The following HK1 variants were observed in gnomAD, a reference collection of about 807,000 sequenced individuals.
The protein encoded by HK1 is hexokinase 1, also known as hexokinase-1.
In HK1, 28 loss-of-function variants were observed where a neutral mutation model predicts 91.6. The ratio of observed to expected loss-of-function variants is 0.31; its 90% CI spans 0.23 to 0.42. The LOEUF is 0.42. Among genes scored for constraint, HK1 ranks in the 10% least tolerant of loss-of-function variants. HK1 has a pLI of 1.00. For synonymous variants in HK1, 430 were observed against 468.1 expected (o/e 0.92, Z 1.05); for missense variants, 770 against 1,219.8 (o/e 0.63, Z 5.49).
intron 1 of HK1, among the ~76,000 whole-genome samples, chr10:69,326,317 G>A (rs1056938538): frequency 6.6e-6 from 1 of 152,102 alleles, no homozygotes; most frequent in African/African-American, 2.4e-5. Context: ...AAGCCTCAGC[G>A]AGGTTGTCAG....
intron 3 of HK1, chr10:69,292,217 T>C (rs923798961): frequency 6.3e-6 from 2 of 318,450 alleles, no homozygotes; most frequent in Non-Finnish European, 1.3e-5. Context: ...ACTAGAGGCG[T>C]GTGCCCCCAC....
chr10:69,270,721 C>G (rs1844114381), intron 1 of HK1, among the ~76,000 whole-genome samples: 1 of 152,158 alleles, frequency 6.6e-6, no homozygotes, highest in East Asian at 1.9e-4. Context: ...ATGTTGCTGC[C>G]TTTCCAGAAC....
intron 1 of HK1, among the ~76,000 whole-genome samples, chr10:69,330,709 A>G (rs1218837021): frequency 1.3e-5 from 2 of 152,170 alleles, no homozygotes; most frequent in African/African-American, 4.8e-5. Flanking sequence ...GGACATCCTT[A>G]TCTCTGGAGA....
chr10:69,276,118 A>AAAAAAAAATATATATATAT, intron 1 of HK1, among the ~76,000 whole-genome samples: 5 of 38,272 alleles, frequency 1.3e-4, no homozygotes, highest in Non-Finnish European at 2.0e-4. Flanking sequence ...AAAAAAAAAA[A>AAAAAAAAATATATATATAT]ATACATATAT....
At chr10:69,276,090 CAAAAAAAAAAAA>C (rs60324656) in intron 1 of HK1, among the ~76,000 whole-genome samples, 18 of 15,936 alleles carry the variant, frequency 1.1e-3, no homozygotes, top group South Asian at 5.2e-3. Context: ...AACTCCTTTT[CAAAAAAAAAAAA>C]AAAAAAAAAA....
At chr10:69,351,401 G>A (rs965779154) in intron 2 of HK1, among the ~76,000 whole-genome samples, 1 of 151,576 alleles carries the variant, frequency 6.6e-6, no homozygotes, top group African/African-American at 2.4e-5. Flanking sequence ...CCCAGCTACT[G>A]GGGAGGCTGA....
intron 3 of HK1, among the ~76,000 whole-genome samples, chr10:69,291,329 A>G (rs1157962839): frequency 6.6e-6 from 1 of 152,242 alleles, no homozygotes; most frequent in Non-Finnish European, 1.5e-5. Context: ...GATCTCAGAC[A>G]CAGATGGAAA....
intron 14 of HK1, among the ~76,000 whole-genome samples, chr10:69,391,803 TA>T: frequency 6.6e-6 from 1 of 152,334 alleles, no homozygotes; most frequent in South Asian, 2.1e-4. Flanking sequence ...GAATGTTGCC[TA>T]AACCTCTACC....
intron 4 of HK1, among the ~76,000 whole-genome samples, chr10:69,297,570 T>G (rs1845628876): frequency 6.6e-6 from 1 of 152,160 alleles, no homozygotes; most frequent in South Asian, 2.1e-4. Flanking sequence ...AGACCATCTT[T>G]AGCATATTCT....
At chr10:69,397,876 A>G (rs1390654081) in intron 16 of HK1, among the ~76,000 whole-genome samples, 2 of 152,244 alleles carry the variant, frequency 1.3e-5, no homozygotes, top group Admixed American at 6.5e-5. Flanking sequence ...CTAATAGAGA[A>G]TAATATAAAT....
chr10:69,318,304 C>A (rs1308663963), upstream of HK1: 1 of 858,260 alleles, frequency 1.2e-6, no homozygotes, highest in Non-Finnish European at 1.4e-6. Flanking sequence ...GTAGCGTCCC[C>A]GGCTCCCGCT....
At chr10:69,281,810 G>A (rs1844766712) in intron 1 of HK1, among the ~76,000 whole-genome samples, 1 of 152,140 alleles carries the variant, frequency 6.6e-6, no homozygotes, top group African/African-American at 2.4e-5. Context: ...AATAAAGGAA[G>A]GGGAGGGAGG....
chr10:69,393,305 C>CTTTTTTT (rs199574875), intron 15 of HK1, among the ~76,000 whole-genome samples: 1 of 145,618 alleles, frequency 6.9e-6, no homozygotes. Context: ...CTTTTCTTTT[C>CTTTTTTT]TTTTCTTTTT....
At chr10:69,318,414 C>A (rs186584216), upstream of HK1, among the ~76,000 whole-genome samples, 571 of 152,308 alleles carry the variant, frequency 3.7e-3, 3 homozygotes, top group Middle Eastern at 0.02. Context: ...AATGGGACCG[C>A]CTTCGTGCCC....
chr10:69,378,303 C>T (rs1839216150), intron 8 of HK1, among the ~76,000 whole-genome samples: 1 of 148,050 alleles, frequency 6.8e-6, no homozygotes, highest in Non-Finnish European at 1.5e-5. Context: ...ATAATAAAGG[C>T]TATCTCAAAA....
At chr10:69,316,047 G>A (rs368783037), upstream of HK1, 24 of 1,577,568 alleles carry the variant, frequency 1.5e-5, no homozygotes, top group Non-Finnish European at 2.0e-5. Flanking sequence ...AGGTTGGCAA[G>A]CTGGGCCTTA....
upstream of HK1, chr10:69,315,854 C>T: frequency 8.4e-7 from 1 of 1,196,050 alleles, no homozygotes. Context: ...AGGCTGGAGT[C>T]CTGGCTCAAA....
At chr10:69,295,633 G>C in exon 4 of HK1, 5 of 1,606,258 alleles carry the variant, frequency 3.1e-6, no homozygotes, top group East Asian at 2.2e-5. Context: ...TTTCTCTAAG[G>C]CTACAGCAGC....
intron 1 of HK1, among the ~76,000 whole-genome samples, chr10:69,278,262 G>C (rs1844562682): frequency 6.6e-6 from 1 of 152,196 alleles, no homozygotes; most frequent in Admixed American, 6.5e-5. Context: ...AGCACTCACT[G>C]CTTACACTAT....
Sources: allele counts gnomAD v4.1 joint callset (sites outside exome capture counted in the v4.1 genomes callset), GRCh38; gene constraint gnomAD v4.1.1; transcripts MANE v1.5; gene names NCBI Gene and HGNC (gene_info 2026-07-23, HGNC 2026-07-21).